TSHZ2: variants seen among roughly 807,000 people sequenced by gnomAD.
The protein encoded by TSHZ2 is teashirt zinc finger homeobox 2, also known as teashirt homolog 2.
A neutral mutation model predicts 74.4 loss-of-function variants in TSHZ2; 21 were observed. The ratio of observed to expected loss-of-function variants is 0.28; its 90% CI spans 0.20 to 0.41. The LOEUF (loss-of-function observed/expected upper bound fraction) is 0.41. Among genes scored for constraint, TSHZ2 ranks in the 10% least tolerant of loss-of-function variants. The pLI is 1.00. For missense variants in TSHZ2, 1,244 were observed against 1,293.5 expected (o/e 0.96, Z 0.59); for synonymous variants, 540 against 515.3 (o/e 1.05, Z -0.65).
chr20:53,063,268 G>A (rs1233858612), intron 1 of TSHZ2, among the ~76,000 whole-genome samples: 1 of 152,002 alleles, frequency 6.6e-6, no homozygotes, highest in African/African-American at 2.4e-5. Flanking sequence ...TACCTCTGAA[G>A]CACAATAAAA....
chr20:53,435,300 T>C (rs1205896874), intron 2 of TSHZ2, among the ~76,000 whole-genome samples: 6 of 152,184 alleles, frequency 3.9e-5, no homozygotes, highest in Non-Finnish European at 8.8e-5. Flanking sequence ...AGGAAACTTT[T>C]TGGCAGAAGA....
intron 2 of TSHZ2, among the ~76,000 whole-genome samples, chr20:53,432,873 C>T (rs1983896330): frequency 6.6e-6 from 1 of 152,082 alleles, no homozygotes; most frequent in African/African-American, 2.4e-5. Flanking sequence ...CTTTTCTCAC[C>T]ATCCCAACAT....
chr20:53,482,405 A>G (rs1280992688), intron 2 of TSHZ2, among the ~76,000 whole-genome samples: 4 of 152,172 alleles, frequency 2.6e-5, no homozygotes, highest in African/African-American at 9.6e-5. Flanking sequence ...GGATCCTTTC[A>G]TGCTGAGATC....
At chr20:53,422,398 C>G (rs1983506389) in intron 2 of TSHZ2, among the ~76,000 whole-genome samples, 1 of 152,104 alleles carries the variant, frequency 6.6e-6, no homozygotes, top group Non-Finnish European at 1.5e-5. Context: ...TAAGATGATT[C>G]TTATCAGATC....
chr20:53,295,146 G>A (rs1025977292), intron 2 of TSHZ2, among the ~76,000 whole-genome samples: 1 of 152,096 alleles, frequency 6.6e-6, no homozygotes, highest in Non-Finnish European at 1.5e-5. Context: ...AACAACCCAG[G>A]TTCATGGATT....
At position 53,254,938 on chromosome 20, in the gene TSHZ2, C is replaced by T; in HGVS notation, c.1480C>T (p.Pro494Ser). The stretch of plus-strand genomic sequence containing the variant: ...AGATCCTCTACAAAAACCTTTAGAC[C>T]CTACAATCAAATATCAATACCTAAG... ...YEDPLQKPLD[P>S]TIKYQYLREE... The change falls in exon 2 of 3, where the codon CCT (proline) becomes TCT (serine). Residue 494 changes from proline to serine, a missense_variant. Around this residue, in one of 6 missense-constraint regions of TSHZ2, gnomAD observed 562 missense variants for 544.0 expected, o/e 1.03. Transcript: ENST00000371497. 6.2e-7 allele frequency: 1 copy of T among 1,613,806 alleles called. No individual in the cohort carries two copies. Among genetic ancestry groups the T allele is most frequent in the Non-Finnish European group, 8.5e-7 (1 of 1,179,934 alleles).
intron 1 of TSHZ2, among the ~76,000 whole-genome samples, chr20:53,219,907 AC>A (rs747317546): frequency 7.2e-5 from 11 of 152,216 alleles, no homozygotes; most frequent in Non-Finnish European, 1.6e-4. Context: ...CCAGTTAGAC[AC>A]CTCTAATATA....
chr20:53,086,958 A>G (rs1985717681), intron 1 of TSHZ2, among the ~76,000 whole-genome samples: 1 of 152,158 alleles, frequency 6.6e-6, no homozygotes, highest in African/African-American at 2.4e-5. Flanking sequence ...AGCCAAGAAG[A>G]TGGTAGAGGA....
At chr20:53,126,390 G>T (rs1324085152) in intron 1 of TSHZ2, among the ~76,000 whole-genome samples, 2 of 152,192 alleles carry the variant, frequency 1.3e-5, no homozygotes, top group Non-Finnish European at 2.9e-5. Context: ...AGAGGTAATA[G>T]AAACATGATA....
chr20:53,203,624 C>A (rs1989063736), intron 1 of TSHZ2, among the ~76,000 whole-genome samples: 4 of 152,094 alleles, frequency 2.6e-5, no homozygotes, highest in Admixed American at 2.6e-4. Context: ...ACACTGCCTC[C>A]CCTAGGAGGG....
chr20:53,200,764 T>C (rs183076375), intron 1 of TSHZ2, among the ~76,000 whole-genome samples: 11 of 152,320 alleles, frequency 7.2e-5, no homozygotes, highest in Admixed American at 1.3e-4. Flanking sequence ...GTACTGGTTG[T>C]TTCTCAACAC....
chr20:53,010,611 C>T (rs926710309), intron 1 of TSHZ2, among the ~76,000 whole-genome samples: 1 of 151,980 alleles, frequency 6.6e-6, no homozygotes. Context: ...TGCTGATATG[C>T]TGAGTTATGA....
chr20:52,982,736 T>C (rs757862397), intron 1 of TSHZ2, among the ~76,000 whole-genome samples: 1 of 152,112 alleles, frequency 6.6e-6, no homozygotes, highest in South Asian at 2.1e-4. Flanking sequence ...AGAATAAATC[T>C]GGCTTCATGA....
At chr20:53,466,681 G>A (rs1335514014) in intron 2 of TSHZ2, among the ~76,000 whole-genome samples, 2 of 152,162 alleles carry the variant, frequency 1.3e-5, no homozygotes, top group East Asian at 3.8e-4. Context: ...TATGACAATT[G>A]TCAAGTGTTA....
At chr20:53,372,546 A>T (rs1308283638) in intron 2 of TSHZ2, among the ~76,000 whole-genome samples, 1 of 151,966 alleles carries the variant, frequency 6.6e-6, no homozygotes, top group Admixed American at 6.6e-5. Context: ...GGAAGGAAGG[A>T]CCCAGTTTAT....
At chr20:52,981,766 C>A (rs1165018290) in intron 1 of TSHZ2, among the ~76,000 whole-genome samples, 5 of 152,250 alleles carry the variant, frequency 3.3e-5, no homozygotes, top group African/African-American at 1.2e-4. Flanking sequence ...TATAGCACCA[C>A]CAACAACGGT....
intron 2 of TSHZ2, among the ~76,000 whole-genome samples, chr20:53,476,533 A>C (rs1051490859): frequency 3.1e-4 from 47 of 149,656 alleles, no homozygotes; most frequent in Middle Eastern, 3.4e-3. Context: ...GCTATCTATG[A>C]CAAACCCACA....
At chr20:53,341,648 A>G (rs1980207635) in intron 2 of TSHZ2, among the ~76,000 whole-genome samples, 1 of 151,848 alleles carries the variant, frequency 6.6e-6, no homozygotes, top group African/African-American at 2.4e-5. Context: ...TCTATTTTAA[A>G]TATGCTTCAT....
At chr20:53,456,331 ATG>A (rs1167749623) in intron 2 of TSHZ2, among the ~76,000 whole-genome samples, 3 of 149,922 alleles carry the variant, frequency 2.0e-5, no homozygotes, top group East Asian at 3.9e-4. Flanking sequence ...GCATTTTTTC[ATG>A]TGTTTTTTGG....
Sources: allele counts gnomAD v4.1 joint callset (sites outside exome capture counted in the v4.1 genomes callset), GRCh38; gene constraint gnomAD v4.1.1; regional missense constraint gnomAD v4.1.1; transcripts MANE v1.5; gene names NCBI Gene and HGNC (gene_info 2026-07-23, HGNC 2026-07-21).